The following PAG1 variants were observed in gnomAD, a reference collection of about 807,000 sequenced individuals.
The protein encoded by PAG1 is phosphoprotein associated with glycosphingolipid-enriched microdomains 1.
PAG1 carries 23 observed loss-of-function variants against 31.7 expected under a neutral mutation model. That is an observed-to-expected ratio of 0.73 (90% confidence interval 0.52 to 1.03). The LOEUF is 1.03. PAG1 is among the 50% of genes least tolerant of loss of function. The pLI is 0.00. For synonymous variants in PAG1, 214 were observed against 210.3 expected (o/e 1.02, Z -0.15); for missense variants, 473 against 540.7 (o/e 0.87, Z 1.24).
chr8:80,993,277 A>T lies in PAG1; in HGVS notation c.-50T>A. On this transcript the variant is annotated 5_prime_UTR_variant, in exon 4 of 9. Transcript: ENST00000220597. The stretch of plus-strand genomic sequence containing the variant: ...CCGAGGGAATCAGTCAGTCCTTCAA[A>T]GGTGGTGACATGGAGGCAGAGAGCT... 4 of 1,556,350 alleles carry T rather than the reference A, an allele frequency of 2.6e-6. No homozygotes were observed. Among genetic ancestry groups the T allele is most frequent in the Non-Finnish European group, 3.5e-6 (4 of 1,152,044 alleles).
intron 1 of PAG1, among the ~76,000 whole-genome samples, chr8:81,102,899 A>G (rs991572334): frequency 6.6e-6 from 1 of 152,206 alleles, no homozygotes; most frequent in Admixed American, 6.5e-5. Context: ...AAATATTACA[A>G]AAGGAAAACC....
At chr8:81,055,373 GA>G (rs1321774356) in intron 2 of PAG1, among the ~76,000 whole-genome samples, 21 of 152,146 alleles carry the variant, frequency 1.4e-4, no homozygotes, top group Admixed American at 1.4e-3. Context: ...GTAAATGAAT[GA>G]AATGAATGAA....
chr8:80,976,845 G>A lies in PAG1; in HGVS notation c.998C>T (p.Ser333Leu), dbSNP rs1168816277. ...GTAGGTGGACTCCGGAACTGTAAGC[G>A]ACTGCCCCGATTTATTCACTAACTG... ...PGQLVNKSGQ[S>L]LTVPESTYTS... Residue 333 changes from serine (S) to leucine (L), a missense_variant, in exon 9 of 9, where the codon TCG (serine) becomes TTG (leucine). Ser to Leu is a moderately radical substitution (Grantham distance 145). Coordinates refer to ENST00000220597, the MANE Select transcript of PAG1 (RefSeq NM_018440.4). 15 of 1,613,322 alleles carry A rather than the reference G, an allele frequency of 9.3e-6. No homozygotes were observed. The highest frequency in any genetic ancestry group is 6.7e-5 in the East Asian group (3 of 44,894).
At chr8:80,982,725 C>G (rs538495364) in intron 7 of PAG1, among the ~76,000 whole-genome samples, 1 of 152,166 alleles carries the variant, frequency 6.6e-6, no homozygotes, top group Non-Finnish European at 1.5e-5. Context: ...TGCCTGTATC[C>G]TCTTCATTTC....
chr8:81,016,910 T>C (rs1808081863), intron 3 of PAG1, among the ~76,000 whole-genome samples: 1 of 152,168 alleles, frequency 6.6e-6, no homozygotes, highest in African/African-American at 2.4e-5. Flanking sequence ...AAATCTAGGT[T>C]GACCCTGCTG....
intron 1 of PAG1, among the ~76,000 whole-genome samples, chr8:81,095,136 C>A (rs1168277838): frequency 6.6e-6 from 1 of 152,184 alleles, no homozygotes; most frequent in Non-Finnish European, 1.5e-5. Context: ...GGACCAGGTA[C>A]ACAAGTTGGC....
chr8:81,072,271 C>T (rs1809107065), intron 1 of PAG1, among the ~76,000 whole-genome samples: 1 of 152,212 alleles, frequency 6.6e-6, no homozygotes, highest in Admixed American at 6.5e-5. Flanking sequence ...TGTCCTCAGC[C>T]AGTCACATCC....
intron 3 of PAG1, among the ~76,000 whole-genome samples, chr8:81,003,626 C>T (rs1029653035): frequency 2.0e-5 from 3 of 152,124 alleles, no homozygotes; most frequent in African/African-American, 4.8e-5. Context: ...TGGCCTGAAG[C>T]GAGTCCAAGC....
chr8:81,111,675 C>G lies in PAG1; in HGVS notation c.-318G>C, dbSNP rs943386774. On this transcript the variant is annotated 5_prime_UTR_variant, in exon 1 of 9. Coordinates refer to ENST00000220597, the MANE Select transcript of PAG1 (RefSeq NM_018440.4). The stretch of plus-strand genomic sequence containing the variant: ...ACTCCGGCGCGCAGCGCCGCCGCCC[C>G]GGCACAGCCCGGCAGCAGCGGCAAG... 1.3e-5 allele frequency: 2 copies of G among 152,402 alleles called. No individual in the cohort carries two copies. The highest frequency in any genetic ancestry group is 2.4e-5 in the African/African-American group (1 of 41,474). 9.4% of individuals were successfully genotyped at this position (152,402 alleles called of 1,614,324 possible).
chr8:81,088,706 C>G (rs1380016039), intron 1 of PAG1, among the ~76,000 whole-genome samples: 1 of 152,160 alleles, frequency 6.6e-6, no homozygotes, highest in Non-Finnish European at 1.5e-5. Context: ...GACAAGCAAA[C>G]TAACCCCACC....
At chr8:80,996,534 C>T (rs746295912) in intron 3 of PAG1, among the ~76,000 whole-genome samples, 5 of 152,148 alleles carry the variant, frequency 3.3e-5, no homozygotes, top group East Asian at 1.9e-4. Flanking sequence ...GACTGCCTCC[C>T]GCTCACCCTC....
At chr8:81,048,748 T>TA (rs1808680994) in intron 2 of PAG1, among the ~76,000 whole-genome samples, 1 of 152,224 alleles carries the variant, frequency 6.6e-6, no homozygotes, top group Non-Finnish European at 1.5e-5. Context: ...TTCGTATATA[T>TA]AAATGTACAT....
intron 1 of PAG1, among the ~76,000 whole-genome samples, chr8:81,094,846 G>A (rs1377498959): frequency 6.6e-6 from 1 of 152,118 alleles, no homozygotes; most frequent in Non-Finnish European, 1.5e-5. Flanking sequence ...ACACAGGCAG[G>A]ACTCTCTATG....
At chr8:81,016,210 G>A (rs1339289919) in intron 3 of PAG1, among the ~76,000 whole-genome samples, 1 of 152,186 alleles carries the variant, frequency 6.6e-6, no homozygotes, top group Non-Finnish European at 1.5e-5. Flanking sequence ...CTGAGTAAAT[G>A]GCTGTTGTTT....
intron 2 of PAG1, among the ~76,000 whole-genome samples, chr8:81,043,108 T>C (rs1407154011): frequency 6.6e-6 from 1 of 152,154 alleles, no homozygotes; most frequent in Non-Finnish European, 1.5e-5. Flanking sequence ...TTTGAATTCA[T>C]GCTATCCCTA....
intron 3 of PAG1, among the ~76,000 whole-genome samples, chr8:80,996,297 G>A (rs1384202822): frequency 6.6e-6 from 1 of 152,216 alleles, no homozygotes; most frequent in Non-Finnish European, 1.5e-5. Flanking sequence ...TGGTGGTGGG[G>A]AGGTGGGAGG....
At chr8:81,041,067 G>C (rs1425270378) in intron 2 of PAG1, among the ~76,000 whole-genome samples, 3 of 152,184 alleles carry the variant, frequency 2.0e-5, no homozygotes, top group Admixed American at 6.5e-5. Flanking sequence ...ACATCGATCT[G>C]CCAAAATGGA....
chr8:80,976,896 A>G lies in PAG1; in HGVS notation c.947T>C (p.Met316Thr), dbSNP rs767437263. 6.2e-7 allele frequency: 1 copy of G among 1,605,152 alleles called. No homozygotes were observed. The highest frequency in any genetic ancestry group is 8.5e-7 in the Non-Finnish European group (1 of 1,176,548). The change falls in exon 9 of 9, where the codon ATG becomes ACG. Residue 316 changes from methionine to threonine, a missense_variant. Transcript: ENST00000220597. Reference sequence around the variant, plus strand: ...TCCAGGTTTATTTACTGATGAGTACATAGCTGAGATCTAGGAGACAAAGGG... The same window carrying G: ...TCCAGGTTTATTTACTGATGAGTACGTAGCTGAGATCTAGGAGACAAAGGG... ...PTLTEEEISA[M>T]YSSVNKPGQL...
intron 2 of PAG1, among the ~76,000 whole-genome samples, chr8:81,061,469 G>A (rs1808916166): frequency 6.6e-6 from 1 of 152,148 alleles, no homozygotes; most frequent in Non-Finnish European, 1.5e-5. Flanking sequence ...TGCAACCAGG[G>A]AGTAAAGGCT....
Sources: gnomAD v4.1 joint callset for allele counts (sites outside exome capture counted in the v4.1 genomes callset) on GRCh38, gnomAD v4.1.1 for gene constraint, MANE v1.5 for transcripts, NCBI Gene and HGNC (gene_info 2026-07-23, HGNC 2026-07-21) for gene names.